QTMAN: variants seen among roughly 807,000 people sequenced by gnomAD.
The protein encoded by QTMAN is queuosine-tRNA mannosyltransferase.
At chr2:143,981,149 T>A in the QTMAN span, among the ~76,000 whole-genome samples, 1 of 152,238 alleles carries the variant, frequency 6.6e-6, no homozygotes, top group Non-Finnish European at 1.5e-5. Flanking sequence ...TATTTCATAT[T>A]TATTTGTATG....
chr2:144,142,107 A>G, the QTMAN span: 4 of 1,329,266 alleles, frequency 3.0e-6, no homozygotes, highest in South Asian at 5.0e-5. Flanking sequence ...CATTCAGAGT[A>G]ATTTTTATCA....
chr2:143,940,559 T>G, the QTMAN span: 3 of 152,248 alleles, frequency 2.0e-5, no homozygotes, highest in African/African-American at 7.2e-5. Context: ...TACAGTCTAA[T>G]ACCATATTAG....
the QTMAN span, chr2:144,178,891 C>T: frequency 2.3e-6 from 1 of 435,884 alleles, no homozygotes; most frequent in Non-Finnish European, 4.7e-6. Flanking sequence ...CAATGTTGAC[C>T]TGCTTCATAC....
chr2:144,028,010 GT>G, the QTMAN span, among the ~76,000 whole-genome samples: 1 of 151,258 alleles, frequency 6.6e-6, no homozygotes, highest in Non-Finnish European at 1.5e-5. Flanking sequence ...ACTTCTAACA[GT>G]TTTAAAAACA....
the QTMAN span, among the ~76,000 whole-genome samples, chr2:143,955,516 A>G: frequency 6.6e-6 from 1 of 152,226 alleles, no homozygotes; most frequent in African/African-American, 2.4e-5. Flanking sequence ...ATTGAAAAAA[A>G]TCCTGCCAAG....
At chr2:144,101,338 C>G in the QTMAN span, among the ~76,000 whole-genome samples, 1 of 152,118 alleles carries the variant, frequency 6.6e-6, no homozygotes, top group Non-Finnish European at 1.5e-5. Flanking sequence ...ACAAGAATCT[C>G]TACAACTTGA....
chr2:144,188,270 G>C, the QTMAN span, among the ~76,000 whole-genome samples: 1 of 152,132 alleles, frequency 6.6e-6, no homozygotes, highest in South Asian at 2.1e-4. Context: ...AAGACAAGTA[G>C]CACCAATTTT....
At chr2:144,157,664 A>C in the QTMAN span, among the ~76,000 whole-genome samples, 1 of 151,998 alleles carries the variant, frequency 6.6e-6, no homozygotes, top group Admixed American at 6.6e-5. Context: ...GAAAGGGAAG[A>C]GATTATGGAG....
the QTMAN span, among the ~76,000 whole-genome samples, chr2:144,207,868 A>T: frequency 2.0e-5 from 3 of 151,736 alleles, no homozygotes; most frequent in South Asian, 2.1e-4. Flanking sequence ...TATTGTTATT[A>T]TTATTAGGGA....
At chr2:144,020,681 A>C in the QTMAN span, among the ~76,000 whole-genome samples, 1 of 152,170 alleles carries the variant, frequency 6.6e-6, no homozygotes, top group Non-Finnish European at 1.5e-5. Flanking sequence ...TGGGGCGCTG[A>C]AGCAGCAAGT....
At chr2:144,034,413 C>T in the QTMAN span, among the ~76,000 whole-genome samples, 6 of 152,154 alleles carry the variant, frequency 3.9e-5, no homozygotes, top group Non-Finnish European at 5.9e-5. Context: ...CTATCCTATT[C>T]GCTTTCGTAC....
the QTMAN span, among the ~76,000 whole-genome samples, chr2:144,050,004 C>T: frequency 5.3e-5 from 8 of 152,030 alleles, no homozygotes; most frequent in African/African-American, 1.2e-4. Flanking sequence ...TTCTGTCTTC[C>T]GGAAGCCCAC....
chr2:144,246,579 C>CAAAA, the QTMAN span, among the ~76,000 whole-genome samples: 10 of 46,978 alleles, frequency 2.1e-4, no homozygotes, highest in East Asian at 1.2e-3. Context: ...GACTCCGTCT[C>CAAAA]AAAAAAAAAA....
chr2:144,125,286 T>C, the QTMAN span, among the ~76,000 whole-genome samples: 2 of 152,012 alleles, frequency 1.3e-5, no homozygotes, highest in East Asian at 3.9e-4. Flanking sequence ...CATACATTTA[T>C]GATTTGAAGA....
chr2:144,053,251 T>A, the QTMAN span, among the ~76,000 whole-genome samples: 4 of 152,192 alleles, frequency 2.6e-5, no homozygotes, highest in African/African-American at 9.7e-5. Context: ...ATGTACCAGA[T>A]CACAGTGTTA....
chr2:144,083,437 G>T, the QTMAN span, among the ~76,000 whole-genome samples: 9 of 152,174 alleles, frequency 5.9e-5, no homozygotes, highest in Non-Finnish European at 1.2e-4. Context: ...CCACAGGGAA[G>T]AGTCACTCAG....
the QTMAN span, among the ~76,000 whole-genome samples, chr2:144,079,390 T>C: frequency 1.3e-5 from 2 of 152,158 alleles, no homozygotes; most frequent in Non-Finnish European, 2.9e-5. Context: ...CTTCAAAATA[T>C]GTTAAACTAG....
chr2:143,956,496 T>C, the QTMAN span, among the ~76,000 whole-genome samples: 5 of 152,290 alleles, frequency 3.3e-5, no homozygotes, highest in South Asian at 1.0e-3. Flanking sequence ...TGGAGGCCTA[T>C]TTTTAATATA....
At chr2:144,021,892 T>C in the QTMAN span, among the ~76,000 whole-genome samples, 2 of 152,096 alleles carry the variant, frequency 1.3e-5, no homozygotes, top group African/African-American at 4.8e-5. Flanking sequence ...TCCATGCTTA[T>C]AAAAGAGAGC....
Sources: gnomAD v4.1 joint callset for allele counts (sites outside exome capture counted in the v4.1 genomes callset) on GRCh38, gnomAD v4.1.1 for gene constraint, MANE v1.5 for transcripts, NCBI Gene and HGNC (gene_info 2026-07-23, HGNC 2026-07-21) for gene names.